Variants in ITGAD observed in about 807,000 individuals in gnomAD.
ITGAD encodes the protein integrin subunit alpha D, also known as integrin alpha-D.
In ITGAD, 105 loss-of-function variants were observed where a neutral mutation model predicts 139.0. The observed-to-expected ratio is 0.76, with a 90% confidence interval of 0.65 to 0.89. The LOEUF (loss-of-function observed/expected upper bound fraction) is 0.89. Ranked by LOEUF, ITGAD falls within the 40% of genes least tolerant of loss-of-function variation. ITGAD has a pLI of 0.00. For synonymous variants in ITGAD, 569 were observed against 598.3 expected, an observed-to-expected ratio of 0.95 and a Z score of 0.71; for missense variants, 1,384 against 1,487.3, an observed-to-expected ratio of 0.93 and a Z score of 1.14.
Position 31,411,178 on chromosome 16 carries a change from C to T in ITGAD, c.1459C>T (p.Arg487Ter), listed in dbSNP as rs755667026. 1.2e-5 allele frequency: 19 copies of T among 1,613,664 alleles called. No individual in the cohort carries two copies. The highest frequency in any genetic ancestry group is 6.7e-5 in the African/African-American group (5 of 74,804). The change falls in exon 13 of 30, where the codon CGA (arginine) becomes TGA (stop). Residue 487 changes from arginine (R) to a stop codon, truncating the protein, a stop_gained. Transcript: ENST00000389202. LOFTEE classifies it high-confidence loss of function. ...IGAPHYYEQTRGGQVSVCPLP... is the reference protein window; with the variant it reads ...IGAPHYYEQT ...GGCCCCCCATTACTATGAGCAGACC[C>T]GAGGGGGCCAGGTGTCCGTGTGTCC...
intron 23 of ITGAD, among the ~76,000 whole-genome samples, chr16:31,421,895 T>A (rs1013649493): frequency 1.3e-5 from 2 of 152,176 alleles, no homozygotes; most frequent in African/African-American, 4.8e-5. Flanking sequence ...GGCTGCTGCA[T>A]GCGAGGTGCA....
In ITGAD at chr16:31,403,893, C is replaced by G; in HGVS notation, c.704+248C>G. The G allele has an allele frequency of 2.0e-6, 1 of 496,982 alleles. No individual in the cohort carries two copies. 30.8% of individuals were successfully genotyped at this position (496,982 alleles called of 1,614,324 possible). On this transcript the variant is annotated intron_variant, in intron 7 of 29. Coordinates refer to ENST00000389202, the MANE Select transcript of ITGAD (RefSeq NM_005353.3). This position sits in a 1 kb window ranked among gnomAD's most constrained non-coding sequence, Gnocchi z 4.4. Reference sequence around the variant, plus strand: ...TTGCCTGGTTCTGCAGAGCCTGGACCCCAGGACCCCTCCCCACCCCACAGC... The same window carrying G: ...TTGCCTGGTTCTGCAGAGCCTGGACGCCAGGACCCCTCCCCACCCCACAGC...
chr16:31,413,355 T>C, intron 16 of ITGAD, 109 bp downstream of exon 16: 1 of 1,177,464 alleles, frequency 8.5e-7, no homozygotes, highest in Non-Finnish European at 1.2e-6. Flanking sequence ...CCACATTCAC[T>C]CACCACCTGT....
At position 31,426,232 on chromosome 16, in the gene ITGAD, A is replaced by G; in HGVS notation, c.*104A>G. 2.7e-6 allele frequency: 2 copies of G among 737,624 alleles called. No homozygotes were observed. The highest frequency in any genetic ancestry group is 2.4e-6 in the Non-Finnish European group (1 of 415,198). 45.7% of individuals were successfully genotyped at this position (737,624 alleles called of 1,614,324 possible). Reference sequence around the variant, plus strand: ...TTCTGCATAGATCTGCACTGGCCTAAGCAACCTACCAGGTGCTAAGCACCT... The same window carrying G: ...TTCTGCATAGATCTGCACTGGCCTAGGCAACCTACCAGGTGCTAAGCACCT... On this transcript the variant is annotated 3_prime_UTR_variant, in exon 30 of 30. Coordinates refer to ENST00000389202, the MANE Select transcript of ITGAD (RefSeq NM_005353.3).
chr16:31,393,713 G>A (rs1436364095), intron 1 of ITGAD, among the ~76,000 whole-genome samples: 2 of 152,000 alleles, frequency 1.3e-5, no homozygotes, highest in Non-Finnish European at 2.9e-5. Flanking sequence ...GGCCACAGAA[G>A]CCACCAGGGA....
Position 31,402,122 on chromosome 16 carries a change from A to T in ITGAD, c.435A>T (p.Pro145=). ...CTCCCCATTCCCCCACAGAGTGTCCACATCAAGAGATGGACATCGTCTTCC... is the reference window on the plus strand; with the variant it reads ...CTCCCCATTCCCCCACAGAGTGTCCTCATCAAGAGATGGACATCGTCTTCC... ...QTVPDATPEC[P]HQEMDIVFLI... Residue 145 remains proline (P), a synonymous_variant, in exon 6 of 30, where the codon CCA becomes CCT. Coordinates refer to ENST00000389202, the MANE Select transcript of ITGAD (RefSeq NM_005353.3). 1 of 1,613,856 alleles carries T rather than the reference A, an allele frequency of 6.2e-7. No homozygotes were observed. Among genetic ancestry groups the T allele is most frequent in the Non-Finnish European group, 8.5e-7 (1 of 1,179,774 alleles).
rs748808008 is a variant in ITGAD, at chr16:31,397,814, A to G, written c.332A>G (p.His111Arg). The G allele has an allele frequency of 6.2e-7, 1 of 1,613,494 alleles. No individual in the cohort carries two copies. Among genetic ancestry groups the G allele is most frequent in the Non-Finnish European group, 8.5e-7 (1 of 1,179,932 alleles). Residue 111 changes from histidine to arginine, a missense_variant, in exon 5 of 30, where the codon CAC becomes CGC. Coordinates refer to ENST00000389202, the MANE Select transcript of ITGAD (RefSeq NM_005353.3). ...CTCCAGGCCTGTGGCCCGACCCTGC[A>G]CAGAGTCTGTGGGGAGAACTCATAC... ...SRLLACGPTL[H>R]RVCGENSYSK...
Position 31,394,454 on chromosome 16 carries a change from G to A in ITGAD, c.137+113G>A. 4.5e-6 allele frequency: 3 copies of A among 672,132 alleles called. No homozygotes were observed. The South Asian group carries it at 5.4e-5, about 12-fold the overall frequency. The allele number at this position is 672,132 out of a possible 1,614,324, so 41.6% of individuals were successfully genotyped here. On this transcript the variant is annotated intron_variant, in intron 2 of 29. Coordinates refer to ENST00000389202, the MANE Select transcript of ITGAD (RefSeq NM_005353.3). ...GGAGGAAGGCCAGCAGGGGTGAGAA[G>A]TCTTCCCTTGGCTCCTTGGAGGCCC...
chr16:31,397,269 C>T (rs2081287316), intron 2 of ITGAD, 90 bp from the exon 3 acceptor site: 3 of 820,194 alleles, frequency 3.7e-6, no homozygotes, highest in South Asian at 3.2e-5. Flanking sequence ...AGTCTCGCTT[C>T]CCCATGGAGG....
intron 7 of ITGAD, chr16:31,404,555 G>C (rs571982354): frequency 1.3e-5 from 2 of 152,322 alleles, no homozygotes; most frequent in Non-Finnish European, 2.9e-5. Context: ...AAGTCACACG[G>C]GAGTGTCCCA....
At chr16:31,416,366 G>T in intron 19 of ITGAD, 80 bp downstream of exon 19, 1 of 1,500,084 alleles carries the variant, frequency 6.7e-7, no homozygotes, top group Non-Finnish European at 9.2e-7. Context: ...GCTGCTCTCT[G>T]GCTCTTTCTA....
At position 31,416,654 on chromosome 16, in the gene ITGAD, C is replaced by G. The variant is rs570158627; in HGVS notation, c.2499+8C>G. 1 of 1,597,664 alleles carries G rather than the reference C, an allele frequency of 6.3e-7. No individual in the cohort carries two copies. Among genetic ancestry groups the G allele is most frequent in the East Asian group, 2.3e-5 (1 of 44,382 alleles). On this transcript the variant is annotated splice_region_variant and intron_variant, in intron 20 of 29. Coordinates refer to ENST00000389202, the MANE Select transcript of ITGAD (RefSeq NM_005353.3). ...CGGGTGTCAGGAGCCCAGGTAACAA[C>G]TGCTGTAGGCTCTAGTGGGAGGGGG...
intron 17 of ITGAD, 57 bp from the exon 18 acceptor site, chr16:31,414,803 G>A: frequency 1.3e-6 from 2 of 1,597,088 alleles, no homozygotes; most frequent in Non-Finnish European, 1.7e-6. Context: ...AGTGGAGGAG[G>A]ACTTGTGGTG....
At chr16:31,415,105 CCA>C in intron 18 of ITGAD, 114 bp downstream of exon 18, 1 of 1,187,640 alleles carries the variant, frequency 8.4e-7, no homozygotes, top group South Asian at 1.4e-5. Flanking sequence ...AAACCTGACT[CCA>C]GTCTCTCCCT....
intron 7 of ITGAD, among the ~76,000 whole-genome samples, chr16:31,405,627 AT>A (rs1412158179): frequency 1.5e-5 from 2 of 135,618 alleles, no homozygotes; most frequent in Non-Finnish European, 3.2e-5. Context: ...TAGGTCCACA[AT>A]TTTTTGTTTT....
chr16:31,416,402 T>C, intron 19 of ITGAD, 103 bp from the exon 20 acceptor site: 1 of 1,526,300 alleles, frequency 6.6e-7, no homozygotes, highest in Non-Finnish European at 9.0e-7. Flanking sequence ...ACTGGATTGT[T>C]ATTGGCCCAG....
Position 31,411,384 on chromosome 16 carries a change from C to T in ITGAD, c.1574C>T (p.Thr525Ile). Residue 525 changes from threonine (T) to isoleucine (I), a missense_variant, in exon 14 of 30, where the codon ACA (threonine) becomes ATA (isoleucine). Physicochemically the swap from Thr to Ile is moderately conservative, Grantham distance 89. Transcript: ENST00000389202. ...HPWGRFGAAL[T>I]VLGDVNEDKL... ...TGGGGCCGCTTTGGGGCAGCCCTGA[C>T]AGTGTTGGGGGATGTGAATGAGGAC... 1.2e-6 allele frequency: 2 copies of T among 1,613,946 alleles called. No individual in the cohort carries two copies. The highest frequency in any genetic ancestry group is 1.7e-6 in the Non-Finnish European group (2 of 1,179,954).
chr16:31,416,288 T>G lies in ITGAD; in HGVS notation c.2357+2T>G. On this transcript the variant is annotated splice_donor_variant, in intron 19 of 29. Transcript: ENST00000389202. LOFTEE classifies it high-confidence loss of function. Reference sequence around the variant, plus strand: ...GGGTGTCACCCTCAGCTTCTCAGGGTGAGCTGTAACTCCCTTCATATCCAG... The same window carrying G: ...GGGTGTCACCCTCAGCTTCTCAGGGGGAGCTGTAACTCCCTTCATATCCAG... 6.3e-7 allele frequency: 1 copy of G among 1,597,924 alleles called. No individual in the cohort carries two copies. The highest frequency in any genetic ancestry group is 2.3e-5 in the East Asian group (1 of 44,430).
intron 2 of ITGAD, 65 bp from the exon 3 acceptor site, chr16:31,397,294 C>G (rs1597103838): frequency 1.8e-6 from 2 of 1,098,750 alleles, no homozygotes; most frequent in African/African-American, 1.6e-5. Context: ...CTTCCTCACC[C>G]CCAAGTGCCC....
Sources: allele counts gnomAD v4.1 joint callset (sites outside exome capture counted in the v4.1 genomes callset), GRCh38; gene constraint gnomAD v4.1.1; non-coding constraint Gnocchi (gnomAD v3.1); transcripts MANE v1.5; gene names NCBI Gene and HGNC (gene_info 2026-07-23, HGNC 2026-07-21).